The following PRDM11 variants were observed in gnomAD, a reference collection of about 807,000 sequenced individuals.
PRDM11 encodes the protein PR domain-containing protein 11.
PRDM11 carries 20 observed loss-of-function variants against 97.8 expected under a neutral mutation model. That is an observed-to-expected ratio of 0.20 (90% CI 0.14 to 0.30). The LOEUF is 0.30. Among genes scored for constraint, PRDM11 ranks in the 10% least tolerant of loss-of-function variants. The pLI is 1.00. For synonymous variants in PRDM11, 599 were observed against 637.7 expected (o/e 0.94, Z 0.91); for missense variants, 1,139 against 1,555.2 (o/e 0.73, Z 4.50).
chr11:45,180,916 C>T (rs1852470270), intron 1 of PRDM11, among the ~76,000 whole-genome samples: 1 of 152,036 alleles, frequency 6.6e-6, no homozygotes, highest in Non-Finnish European at 1.5e-5. Flanking sequence ...TTTCCCCGCA[C>T]CCCTCCCAGT....
chr11:45,116,674 T>A (rs10838416), intron 1 of PRDM11, among the ~76,000 whole-genome samples: 69,889 of 152,038 alleles, frequency 0.46, 18,054 homozygotes, highest in Non-Finnish European at 0.58. Context: ...GAGAAAATAA[T>A]TTTTTGTTGT....
chr11:45,111,376 A>T lies in PRDM11; in HGVS notation c.96+15475A>T, dbSNP rs1852175679. On this transcript the variant is annotated intron_variant, in intron 1 of 6. Transcript: ENST00000530656. The stretch of plus-strand genomic sequence containing the variant: ...ACCCAACATTGCTTCGGACCAACGA[A>T]CCCATTTCACAGCGACAGGACAACA... 3.7e-5 allele frequency among the ~76,000 whole-genome samples: 2 copies of T among 54,554 alleles called. 1 individual carries two copies. The highest frequency in any genetic ancestry group is 3.5e-4 in the Admixed American group (2 of 5,692). 35.8% of individuals were successfully genotyped at this position (54,554 alleles called of 152,430 possible). A position where few individuals can be genotyped will look rare whatever the true frequency, so the allele number is the denominator to read the frequency against.
In PRDM11 at chr11:45,158,131, CAG is replaced by C. The variant is rs527444701; in HGVS notation, c.-7+11256_-7+11257del. Among the ~76,000 whole-genome samples, 11 of 152,344 alleles carry C rather than the reference CAG, an allele frequency of 7.2e-5. No individual in the cohort carries two copies. The South Asian group carries it at 2.3e-3, about 32-fold the overall frequency. On this transcript the variant is annotated intron_variant, in intron 1 of 7. Transcript: ENST00000683152. ...ATTCCCAACCCAGCCCAGTTCAAAG[CAG>C]ACAGTGCAGTGTCAGGGAGTCGCTG...
intron 1 of PRDM11, among the ~76,000 whole-genome samples, chr11:45,168,666 G>A (rs996283112): frequency 6.6e-6 from 1 of 152,156 alleles, no homozygotes; most frequent in Non-Finnish European, 1.5e-5. Context: ...TAATGTGTGG[G>A]GAGATCACTT....
chr11:45,158,099 TAA>T (rs1012183482), intron 1 of PRDM11, among the ~76,000 whole-genome samples: 1 of 152,180 alleles, frequency 6.6e-6, no homozygotes, highest in African/African-American at 2.4e-5. Context: ...AGGGAAAAGT[TAA>T]AGTCATTCCC....
intron 1 of PRDM11, among the ~76,000 whole-genome samples, chr11:45,130,861 G>C (rs1852702208): frequency 6.6e-6 from 1 of 152,100 alleles, no homozygotes; most frequent in African/African-American, 2.4e-5. Flanking sequence ...TTTAGGTGTT[G>C]CCAGTTTGAA....
At chr11:45,139,237 A>C (rs1232749902) in intron 1 of PRDM11, among the ~76,000 whole-genome samples, 1 of 152,226 alleles carries the variant, frequency 6.6e-6, no homozygotes, top group Admixed American at 6.5e-5. Context: ...CACAGGCATG[A>C]ACACTTTGCA....
intron 1 of PRDM11, among the ~76,000 whole-genome samples, chr11:45,163,039 C>A (rs1411956769): frequency 6.6e-6 from 1 of 152,148 alleles, no homozygotes; most frequent in East Asian, 1.9e-4. Flanking sequence ...GGTGCCTGAA[C>A]TGGGATGCTC....
At chr11:45,144,113 C>T (rs1340202400), upstream of PRDM11, among the ~76,000 whole-genome samples, 1 of 152,232 alleles carries the variant, frequency 6.6e-6, no homozygotes, top group African/African-American at 2.4e-5. Flanking sequence ...ACAATTCCCC[C>T]AGCCTTGTTT....
Position 45,224,575 on chromosome 11 carries a change from C to T in PRDM11, c.1101C>T (p.Val367=). 6.2e-7 allele frequency: 1 copy of T among 1,614,020 alleles called. No homozygotes were observed. Among genetic ancestry groups the T allele is most frequent in the Non-Finnish European group, 8.5e-7 (1 of 1,180,000 alleles). ...CCCAGGGGGAGGGGGACTGGAAGGT[C>T]CCCCAGGGGGTCTCCAAGGAGCCAG... ...GQTQGEGDWK[V]PQGVSKEPGQ... is the part of the protein sequence containing the mutation. Residue 367 remains valine (V), a synonymous_variant, in exon 7 of 8, where the codon GTC becomes GTT. Transcript: ENST00000683152.
At chr11:45,173,579 G>A (rs1554969454) in intron 1 of PRDM11, among the ~76,000 whole-genome samples, 1 of 147,948 alleles carries the variant, frequency 6.8e-6, no homozygotes, top group African/African-American at 2.5e-5. Flanking sequence ...CCGAGATCAC[G>A]CCACTGCATT....
chr11:45,146,280 C>T (rs372000061), upstream of PRDM11, among the ~76,000 whole-genome samples: 7 of 152,288 alleles, frequency 4.6e-5, no homozygotes, highest in South Asian at 8.3e-4. Context: ...CTATTTGGTT[C>T]CAAATGGACA....
intron 1 of PRDM11, among the ~76,000 whole-genome samples, chr11:45,101,642 A>G (rs1380630036): frequency 6.8e-6 from 1 of 147,650 alleles, no homozygotes; most frequent in East Asian, 2.0e-4. Flanking sequence ...GAGGAAGAAG[A>G]AGGCGTTCAG....
At chr11:45,201,473 C>T (rs1163202862) in intron 4 of PRDM11, among the ~76,000 whole-genome samples, 1 of 151,832 alleles carries the variant, frequency 6.6e-6, no homozygotes, top group Non-Finnish European at 1.5e-5. Flanking sequence ...TTCTTTCCTT[C>T]CTTCTTTCCT....
chr11:45,218,236 T>C (rs982670536), intron 5 of PRDM11, among the ~76,000 whole-genome samples: 3 of 152,204 alleles, frequency 2.0e-5, no homozygotes, highest in African/African-American at 7.2e-5. Flanking sequence ...GCATACTTCA[T>C]CCATAACTTA....
rs142365088 is a variant in PRDM11 at position 45,139,893 on chromosome 11, G to A, written c.97-41868G>A. Among the ~76,000 whole-genome samples the A allele has an allele frequency of 1.6e-3, 244 of 152,246 alleles. 2 individuals are homozygous for A. Among genetic ancestry groups the A allele is most frequent in the African/African-American group, 5.6e-3 (233 of 41,530 alleles). On this transcript the variant is annotated intron_variant, in intron 1 of 6. Transcript: ENST00000530656. ...TTTTAGAAATGGAGGGATGAGTTCA[G>A]GGAAAGAGAGAGAAACAATGTTGAA...
At chr11:45,178,773 C>G (rs544075630) in intron 1 of PRDM11, among the ~76,000 whole-genome samples, 1 of 152,218 alleles carries the variant, frequency 6.6e-6, no homozygotes, top group Non-Finnish European at 1.5e-5. Flanking sequence ...AAGCGTATGA[C>G]CCTCAGAGTG....
intron 1 of PRDM11, among the ~76,000 whole-genome samples, chr11:45,176,728 T>C (rs1256104681): frequency 6.6e-6 from 1 of 152,272 alleles, no homozygotes; most frequent in Non-Finnish European, 1.5e-5. Flanking sequence ...ATCTGTCTTA[T>C]ACATGTAAGT....
In PRDM11 at chr11:45,224,356, C is replaced by A. The variant is rs1345070748; in HGVS notation, c.882C>A (p.Pro294=). The change falls in exon 7 of 8, where the codon CCC becomes CCA. Residue 294 remains proline (P), a synonymous_variant. Coordinates refer to ENST00000683152, the MANE Select transcript of PRDM11 (RefSeq NM_001384648.1). ...KRGFDEGDVH[P]QAKKKKIDLI... is the part of the protein sequence containing the mutation. ...GCTTTGATGAGGGGGATGTACACCCCCAAGCTAAGAAGAAGAAAATTGACC... is the reference window on the plus strand; with the variant it reads ...GCTTTGATGAGGGGGATGTACACCCACAAGCTAAGAAGAAGAAAATTGACC... 6.2e-7 allele frequency: 1 copy of A among 1,613,990 alleles called. No homozygotes were observed. Among genetic ancestry groups the A allele is most frequent in the East Asian group, 2.2e-5 (1 of 44,888 alleles).
Sources: gnomAD v4.1 joint callset for allele counts (sites outside exome capture counted in the v4.1 genomes callset) on GRCh38, gnomAD v4.1.1 for gene constraint, MANE v1.5 for transcripts, NCBI Gene and HGNC (gene_info 2026-07-23, HGNC 2026-07-21) for gene names.